Variants in CHRDL2 observed in about 807,000 individuals in gnomAD.
CHRDL2 encodes the protein chordin like 2.
A neutral mutation model predicts 54.3 loss-of-function variants in CHRDL2; 41 were observed. That is an observed-to-expected ratio of 0.76 (90% CI 0.59 to 0.98). The LOEUF (loss-of-function observed/expected upper bound fraction) is 0.98. Ranked by LOEUF, CHRDL2 falls within the 50% of genes least tolerant of loss-of-function variation. The pLI, the probability that CHRDL2 is intolerant of heterozygous loss-of-function variation, is 0.00. For synonymous variants in CHRDL2, 220 were observed against 224.3 expected, an observed-to-expected ratio of 0.98 and a Z score of 0.17; for missense variants, 518 against 562.4, an observed-to-expected ratio of 0.92 and a Z score of 0.80.
chr11:74,730,682 C>T, intron 1 of CHRDL2, 125 bp downstream of exon 1: 3 of 887,826 alleles, frequency 3.4e-6, no homozygotes, highest in Non-Finnish European at 5.4e-6. Context: ...GGAGTCTCCA[C>T]CCCTCCGGCA....
Position 74,731,008 on chromosome 11 carries a change from A to G in CHRDL2, c.-120T>C. ...CAGACCCCAGGAGGTCTGCTGCTAG[A>G]GCGGGGTCGGAGAAGGGCCAGGAAG... On this transcript the variant is annotated 5_prime_UTR_variant, in exon 1 of 11. Coordinates refer to ENST00000376332, the MANE Select transcript of CHRDL2 (RefSeq NM_001278473.3). The surrounding 1 kb of genome is among the most constrained non-coding windows in gnomAD (Gnocchi z 4.4). 1.3e-6 allele frequency: 1 copy of G among 792,424 alleles called. No individual in the cohort carries two copies. 49.1% of individuals were successfully genotyped at this position (792,424 alleles called of 1,614,324 possible). A position where few individuals can be genotyped will look rare whatever the true frequency, so the allele number is the denominator to read the frequency against.
chr11:74,725,487 G>C (rs1460652883), intron 1 of CHRDL2, among the ~76,000 whole-genome samples: 3 of 152,178 alleles, frequency 2.0e-5, no homozygotes, highest in African/African-American at 7.2e-5. Context: ...GGAGCCCAGA[G>C]TAGCTAAGGG....
At chr11:74,717,224 G>A (rs897750917) in intron 2 of CHRDL2, among the ~76,000 whole-genome samples, 2 of 152,206 alleles carry the variant, frequency 1.3e-5, no homozygotes, top group African/African-American at 4.8e-5. Context: ...GATGATGGTG[G>A]CTTGGATTAG....
intron 2 of CHRDL2, among the ~76,000 whole-genome samples, chr11:74,714,178 C>T (rs375798894): frequency 6.6e-6 from 1 of 152,120 alleles, no homozygotes; most frequent in Admixed American, 6.5e-5. Context: ...TCAGCCTTCC[C>T]GCACCTTGTT....
chr11:74,725,283 G>A (rs922227297), intron 1 of CHRDL2, among the ~76,000 whole-genome samples: 3 of 152,282 alleles, frequency 2.0e-5, no homozygotes, highest in Admixed American at 2.0e-4. Flanking sequence ...GAGCCACCAC[G>A]CCCAGCCCTG....
chr11:74,704,227 T>C (rs1591353090), intron 7 of CHRDL2, among the ~76,000 whole-genome samples: 1 of 152,222 alleles, frequency 6.6e-6, no homozygotes, highest in Non-Finnish European at 1.5e-5. Flanking sequence ...AAAAAAAATC[T>C]TGTACTGTTC....
intron 4 of CHRDL2, among the ~76,000 whole-genome samples, chr11:74,709,817 C>T (rs1402116099): frequency 6.6e-6 from 1 of 152,282 alleles, no homozygotes; most frequent in African/African-American, 2.4e-5. Context: ...CCCTTACGCA[C>T]TCAGAGGAAC....
Position 74,718,836 on chromosome 11 carries a change from G to T in CHRDL2, c.83-4C>A. ...AAAAGGCAGAACATGTCTGGGCCTG[G>T]CAAACCGACCAGTGCCATGTTAGTC... On this transcript the variant is annotated splice_region_variant and splice_polypyrimidine_tract_variant and intron_variant, in intron 1 of 10. Transcript: ENST00000376332. The T allele has an allele frequency of 6.3e-7, 1 of 1,593,088 alleles. No individual in the cohort carries two copies. Among genetic ancestry groups the T allele is most frequent in the Non-Finnish European group, 8.6e-7 (1 of 1,165,112 alleles).
intron 1 of CHRDL2, among the ~76,000 whole-genome samples, chr11:74,726,507 C>G (rs921304770): frequency 6.6e-6 from 1 of 152,178 alleles, no homozygotes; most frequent in African/African-American, 2.4e-5. Flanking sequence ...GGGTCCTGGA[C>G]AGAGGAAGGG....
intron 2 of CHRDL2, among the ~76,000 whole-genome samples, chr11:74,717,451 CAT>C (rs2034391742): frequency 6.6e-6 from 1 of 152,182 alleles, no homozygotes; most frequent in African/African-American, 2.4e-5. Context: ...GGCTATATTT[CAT>C]AAAGTCCTTC....
intron 1 of CHRDL2, among the ~76,000 whole-genome samples, chr11:74,722,333 T>C (rs1182749959): frequency 6.6e-6 from 1 of 152,130 alleles, no homozygotes; most frequent in Non-Finnish European, 1.5e-5. Context: ...CAGGGACCCT[T>C]TGGAGTCAGA....
intron 1 of CHRDL2, chr11:74,719,176 G>A (rs1320579088): frequency 5.0e-6 from 1 of 199,270 alleles, no homozygotes; most frequent in East Asian, 1.5e-4. Context: ...GAGGCCCAGA[G>A]AGGGTAAGTT....
chr11:74,729,259 G>A (rs2034616615), intron 1 of CHRDL2, among the ~76,000 whole-genome samples: 1 of 152,210 alleles, frequency 6.6e-6, no homozygotes, highest in African/African-American at 2.4e-5. Context: ...AGAAATAGGA[G>A]GCAGGTGTTA....
At chr11:74,724,607 T>C (rs2034544277) in intron 1 of CHRDL2, among the ~76,000 whole-genome samples, 1 of 152,224 alleles carries the variant, frequency 6.6e-6, no homozygotes, top group South Asian at 2.1e-4. Context: ...AAACATGCTG[T>C]TTCCTCCACC....
intron 9 of CHRDL2, chr11:74,701,399 T>A (rs564500355): frequency 2.0e-6 from 1 of 508,204 alleles, no homozygotes; most frequent in East Asian, 2.9e-5. Flanking sequence ...AGAACACAGC[T>A]GCTCCCTCTG....
chr11:74,711,023 A>T, intron 3 of CHRDL2, 32 bp from the exon 4 acceptor site: 1 of 1,592,014 alleles, frequency 6.3e-7, no homozygotes, highest in Non-Finnish European at 8.6e-7. Flanking sequence ...AGGAAGAAGA[A>T]AATGAGGTTT....
intron 1 of CHRDL2, among the ~76,000 whole-genome samples, chr11:74,726,182 G>C (rs945848405): frequency 6.6e-6 from 1 of 152,170 alleles, no homozygotes; most frequent in African/African-American, 2.4e-5. Flanking sequence ...CAGGAAACAG[G>C]GTGGGGACTG....
chr11:74,729,606 A>G (rs1172078988), intron 1 of CHRDL2, among the ~76,000 whole-genome samples: 2 of 152,254 alleles, frequency 1.3e-5, no homozygotes, highest in East Asian at 3.8e-4. Context: ...AGACCGTAAC[A>G]AAGTCCAGCA....
At chr11:74,706,668 C>T in intron 5 of CHRDL2, 126 bp from the exon 6 acceptor site, 3 of 799,684 alleles carry the variant, frequency 3.8e-6, no homozygotes, top group Non-Finnish European at 6.3e-6. Context: ...AGCCCCAGCC[C>T]ACTAGCCAGC....
Sources: allele counts gnomAD v4.1 joint callset (sites outside exome capture counted in the v4.1 genomes callset), GRCh38; gene constraint gnomAD v4.1.1; non-coding constraint Gnocchi (gnomAD v3.1); transcripts MANE v1.5; gene names NCBI Gene and HGNC (gene_info 2026-07-23, HGNC 2026-07-21).